Variants in PTPRD observed in about 807,000 individuals in gnomAD.
The protein encoded by PTPRD is receptor-type tyrosine-protein phosphatase delta.
PTPRD carries 34 observed loss-of-function variants against 214.5 expected under a neutral mutation model. The observed-to-expected ratio is 0.16, with a 90% CI of 0.12 to 0.21. The LOEUF is 0.21. Among genes scored for constraint, PTPRD ranks in the 10% least tolerant of loss-of-function variants. The probability of loss-of-function intolerance (pLI) is 1.00; values close to 1 mark genes in which losing one functional copy is unlikely to be tolerated. For synonymous variants in PTPRD, 1,128 were observed against 845.7 expected (o/e 1.33, Z -5.79); for missense variants, 2,545 against 2,398.7 (o/e 1.06, Z -1.27).
At chr9:10,155,570 C>T (rs148714674) in intron 3 of PTPRD, among the ~76,000 whole-genome samples, 1,542 of 152,150 alleles carry the variant, frequency 0.01, 26 homozygotes, top group African/African-American at 0.034. Context: ...TTAAGTACAA[C>T]GTTGGCTGTG....
At chr9:8,953,721 C>A (rs1366910523) in intron 11 of PTPRD, among the ~76,000 whole-genome samples, 4 of 151,960 alleles carry the variant, frequency 2.6e-5, no homozygotes, top group African/African-American at 7.2e-5. Flanking sequence ...AGAAGACATA[C>A]AAGCAACCCA....
chr9:9,244,828 C>T (rs563267423), intron 9 of PTPRD, among the ~76,000 whole-genome samples: 13 of 152,222 alleles, frequency 8.5e-5, no homozygotes, highest in Admixed American at 8.5e-4. Flanking sequence ...GCAAAAGAAA[C>T]TACCATCAGA....
At chr9:9,660,356 T>C (rs986660154) in intron 7 of PTPRD, among the ~76,000 whole-genome samples, 8 of 151,934 alleles carry the variant, frequency 5.3e-5, no homozygotes, top group Non-Finnish European at 1.0e-4. Context: ...AGAGGACAGG[T>C]TAAAGAGTTA....
chr9:9,670,566 C>A (rs1023983314), intron 7 of PTPRD, among the ~76,000 whole-genome samples: 2 of 152,308 alleles, frequency 1.3e-5, no homozygotes, highest in Non-Finnish European at 2.9e-5. Flanking sequence ...CCCCTCCCAT[C>A]ACAGGCCTAG....
intron 7 of PTPRD, among the ~76,000 whole-genome samples, chr9:9,577,375 G>A (rs1277587524): frequency 6.6e-6 from 1 of 151,814 alleles, no homozygotes; most frequent in East Asian, 1.9e-4. Flanking sequence ...ACCAGCCTCG[G>A]CAACATGGAG....
At chr9:9,185,283 T>C (rs1280416548) in intron 9 of PTPRD, among the ~76,000 whole-genome samples, 1 of 152,100 alleles carries the variant, frequency 6.6e-6, no homozygotes, top group African/African-American at 2.4e-5. Context: ...AATAGAGACA[T>C]CTGACAAGCA....
intron 7 of PTPRD, among the ~76,000 whole-genome samples, chr9:9,715,529 T>C (rs75362976): frequency 1.8e-4 from 28 of 152,276 alleles, no homozygotes; most frequent in African/African-American, 6.3e-4. Context: ...ACAGTTTTAC[T>C]TGATTTCTGA....
At chr9:9,818,520 G>C (rs1357556294) in intron 5 of PTPRD, among the ~76,000 whole-genome samples, 3 of 152,106 alleles carry the variant, frequency 2.0e-5, no homozygotes, top group Non-Finnish European at 4.4e-5. Context: ...TAGAAATGTA[G>C]GTAGGGAAGG....
At chr9:8,822,996 T>G (rs1196568956) in intron 11 of PTPRD, among the ~76,000 whole-genome samples, 1 of 152,160 alleles carries the variant, frequency 6.6e-6, no homozygotes, top group Non-Finnish European at 1.5e-5. Flanking sequence ...GTATGAAATC[T>G]TCCAATGCTT....
At chr9:10,545,544 A>C (rs1030983560) in intron 2 of PTPRD, among the ~76,000 whole-genome samples, 1 of 152,116 alleles carries the variant, frequency 6.6e-6, no homozygotes, top group African/African-American at 2.4e-5. Flanking sequence ...TTTTGTATTT[A>C]TTTTGATCCA....
chr9:9,125,569 CA>C (rs1387964887), intron 10 of PTPRD, among the ~76,000 whole-genome samples: 2 of 152,178 alleles, frequency 1.3e-5, no homozygotes, highest in African/African-American at 4.8e-5. Flanking sequence ...ATATTAGTTT[CA>C]CAACAGGTAG....
intron 3 of PTPRD, among the ~76,000 whole-genome samples, chr9:10,190,561 T>C (rs763279865): frequency 4.0e-5 from 6 of 150,828 alleles, no homozygotes; most frequent in African/African-American, 1.5e-4. Context: ...CTACTAAAAA[T>C]ACAAAAACTA....
chr9:10,160,958 T>C (rs1016431751), intron 3 of PTPRD, among the ~76,000 whole-genome samples: 1 of 151,656 alleles, frequency 6.6e-6, no homozygotes, highest in Non-Finnish European at 1.5e-5. Context: ...AATAAAACAA[T>C]CCCATTTGCA....
chr9:10,351,324 C>T (rs1452540373), intron 2 of PTPRD, among the ~76,000 whole-genome samples: 1 of 152,016 alleles, frequency 6.6e-6, no homozygotes, highest in African/African-American at 2.4e-5. Flanking sequence ...CCTGTCTTTT[C>T]CTGGCTCCAC....
intron 5 of PTPRD, among the ~76,000 whole-genome samples, chr9:9,811,949 A>C (rs1273443028): frequency 2.0e-5 from 3 of 152,154 alleles, no homozygotes; most frequent in Admixed American, 6.6e-5. Context: ...TCAACGTGGC[A>C]AACTTTACTG....
intron 35 of PTPRD, among the ~76,000 whole-genome samples, chr9:8,429,740 A>G (rs975632276): frequency 6.6e-6 from 1 of 152,144 alleles, no homozygotes; most frequent in Non-Finnish European, 1.5e-5. Flanking sequence ...GAGACTGGAG[A>G]CAGTCCACAT....
At chr9:8,456,102 T>C (rs1343510090) in intron 33 of PTPRD, among the ~76,000 whole-genome samples, 2 of 152,210 alleles carry the variant, frequency 1.3e-5, no homozygotes, top group African/African-American at 4.8e-5. Flanking sequence ...TTTAATACTG[T>C]TTGACTTGTA....
chr9:9,751,345 A>G (rs1768891), intron 6 of PTPRD, among the ~76,000 whole-genome samples: 80,452 of 151,918 alleles, frequency 0.53, 24,352 homozygotes, highest in African/African-American at 0.82. Context: ...ATGAAGTCCA[A>G]CTTCACCACT....
chr9:8,699,573 T>A (rs528020907), intron 12 of PTPRD, among the ~76,000 whole-genome samples: 2 of 152,304 alleles, frequency 1.3e-5, no homozygotes, highest in East Asian at 3.9e-4. Flanking sequence ...CATGTTGAAA[T>A]TAAAACCAAG....
Sources: gnomAD v4.1 joint callset for allele counts (sites outside exome capture counted in the v4.1 genomes callset) on GRCh38, gnomAD v4.1.1 for gene constraint, MANE v1.5 for transcripts, NCBI Gene and HGNC (gene_info 2026-07-23, HGNC 2026-07-21) for gene names.